The following RIT2 variants were observed in gnomAD, a reference collection of about 807,000 sequenced individuals.
RIT2 encodes the protein GTP-binding protein Rit2.
In RIT2, 24 loss-of-function variants were observed where a neutral mutation model predicts 23.7. That is an observed-to-expected ratio of 1.01 (90% CI 0.73 to 1.43). The LOEUF (loss-of-function observed/expected upper bound fraction) is 1.43. Among genes scored for constraint, RIT2 ranks in the 40% most tolerant of loss-of-function variants. The pLI, the probability that RIT2 is intolerant of heterozygous loss-of-function variation, is 0.00. For synonymous variants in RIT2, 107 were observed against 91.1 expected (o/e 1.17, Z -0.99); for missense variants, 236 against 266.9 (o/e 0.88, Z 0.81).
intron 4 of RIT2, among the ~76,000 whole-genome samples, chr18:42,759,479 C>T (rs1463765428): frequency 2.0e-5 from 3 of 151,990 alleles, no homozygotes; most frequent in Admixed American, 6.6e-5. Flanking sequence ...TACCCTGTCT[C>T]TTTGTCTAGA....
intron 1 of RIT2, among the ~76,000 whole-genome samples, chr18:43,067,231 G>T (rs1048833975): frequency 6.6e-6 from 1 of 152,040 alleles, no homozygotes; most frequent in African/African-American, 2.4e-5. Context: ...AAAAAATTAA[G>T]CATCAGCTAT....
intron 3 of RIT2, among the ~76,000 whole-genome samples, chr18:42,963,477 T>C (rs147432519): frequency 2.4e-3 from 370 of 152,326 alleles, no homozygotes; most frequent in African/African-American, 8.3e-3. Context: ...TCTTTGACTA[T>C]CTTTCCAAAA....
At chr18:42,842,572 A>G (rs2144025736) in intron 4 of RIT2, among the ~76,000 whole-genome samples, 1 of 152,312 alleles carries the variant, frequency 6.6e-6, no homozygotes, top group African/African-American at 2.4e-5. Flanking sequence ...CACCATAAGC[A>G]GAGCTAAGAC....
chr18:42,777,235 T>TGGA (rs1370447437), intron 4 of RIT2, among the ~76,000 whole-genome samples: 1 of 146,376 alleles, frequency 6.8e-6, no homozygotes, highest in Non-Finnish European at 1.5e-5. Flanking sequence ...AGCCTTCCAA[T>TGGA]GGAGAAGAAG....
chr18:42,986,823 A>G (rs112810652), intron 2 of RIT2, among the ~76,000 whole-genome samples: 7,803 of 152,134 alleles, frequency 0.051, 422 homozygotes, highest in East Asian at 0.24. Flanking sequence ...TTTGTAATAA[A>G]CCAGAAATGT....
At chr18:43,023,611 T>G (rs544948762) in intron 2 of RIT2, among the ~76,000 whole-genome samples, 1 of 152,220 alleles carries the variant, frequency 6.6e-6, no homozygotes, top group East Asian at 1.9e-4. Flanking sequence ...TATGTTAAAT[T>G]TTTCAAGGTT....
At chr18:42,890,143 T>A (rs997636260) in intron 4 of RIT2, among the ~76,000 whole-genome samples, 3 of 151,986 alleles carry the variant, frequency 2.0e-5, no homozygotes, top group African/African-American at 7.2e-5. Context: ...ACTTGAGTGG[T>A]CTTGATTTAT....
chr18:42,940,070 A>G (rs1226625610), intron 3 of RIT2, among the ~76,000 whole-genome samples: 2 of 151,616 alleles, frequency 1.3e-5, no homozygotes, highest in Non-Finnish European at 2.9e-5. Flanking sequence ...CCGAATAACA[A>G]TAGTCCAGGA....
rs1913724541 is a variant in RIT2, at chr18:42,778,327, T to C, written c.427-34607A>G. Among the ~76,000 whole-genome samples the C allele has an allele frequency of 2.6e-5, 4 of 152,300 alleles. No individual in the cohort carries two copies. In the South Asian group the frequency reaches 8.3e-4, roughly 32 times the overall value. On this transcript the variant is annotated intron_variant, in intron 4 of 4. Transcript: ENST00000326695. ...ACTTTCCATCAATTAAGAAAACAGA[T>C]CATTTTAGTTAACCCTTGGAAATCT...
At chr18:42,984,662 A>C (rs1210584333) in intron 2 of RIT2, among the ~76,000 whole-genome samples, 1 of 152,034 alleles carries the variant, frequency 6.6e-6, no homozygotes, top group Non-Finnish European at 1.5e-5. Flanking sequence ...ATTCCACGTG[A>C]AATTATAATT....
rs986907080 is a variant in RIT2 at position 42,881,502 on chromosome 18, A to C, written c.426+42070T>G. Among the ~76,000 whole-genome samples, 14 of 152,306 alleles carry C rather than the reference A, an allele frequency of 9.2e-5. No homozygotes were observed. In the East Asian group the frequency reaches 2.3e-3, roughly 25 times the overall value. ...CCTATGGAAAAGTCCAAGGCTCTTC[A>C]TGATCCTGCATCTTAGTCATCTTGG... On this transcript the variant is annotated intron_variant, in intron 4 of 4. Transcript: ENST00000326695.
chr18:42,890,940 T>C (rs1358486773), intron 4 of RIT2, among the ~76,000 whole-genome samples: 1 of 152,152 alleles, frequency 6.6e-6, no homozygotes, highest in African/African-American at 2.4e-5. Context: ...AAGAAATTTA[T>C]ATTTACCAGA....
At chr18:42,847,273 A>C (rs1283823216) in intron 4 of RIT2, among the ~76,000 whole-genome samples, 1 of 152,152 alleles carries the variant, frequency 6.6e-6, no homozygotes. Flanking sequence ...GGAAATAAAG[A>C]ACTAAAGAGA....
At chr18:43,003,821 T>A (rs1034286948) in intron 2 of RIT2, among the ~76,000 whole-genome samples, 1 of 147,680 alleles carries the variant, frequency 6.8e-6, no homozygotes, top group Admixed American at 6.8e-5. Context: ...TTAATATTGC[T>A]CTCCTAGGCC....
At chr18:42,753,020 A>G (rs1567987593) in intron 4 of RIT2, among the ~76,000 whole-genome samples, 2 of 152,188 alleles carry the variant, frequency 1.3e-5, no homozygotes, top group Admixed American at 6.5e-5. Context: ...TCACCGTGTA[A>G]TATGCCAGGT....
chr18:43,106,454 A>C (rs1271211679), intron 1 of RIT2, among the ~76,000 whole-genome samples: 2 of 152,170 alleles, frequency 1.3e-5, no homozygotes, highest in African/African-American at 2.4e-5. Flanking sequence ...CCACCACCAC[A>C]ACTTCTCTAA....
intron 2 of RIT2, among the ~76,000 whole-genome samples, chr18:42,982,681 G>C (rs1284259831): frequency 6.6e-6 from 1 of 152,044 alleles, no homozygotes; most frequent in South Asian, 2.1e-4. Context: ...GATCTTTCAG[G>C]ATTTCAACTT....
intron 1 of RIT2, among the ~76,000 whole-genome samples, chr18:43,104,684 T>C (rs1476322909): frequency 6.6e-6 from 1 of 152,098 alleles, no homozygotes; most frequent in Non-Finnish European, 1.5e-5. Context: ...TGGAATAAAG[T>C]ATGAAATATT....
At chr18:42,958,357 C>T (rs1217435743) in intron 3 of RIT2, among the ~76,000 whole-genome samples, 1 of 152,048 alleles carries the variant, frequency 6.6e-6, no homozygotes, top group Admixed American at 6.6e-5. Flanking sequence ...CCTTCTGGTG[C>T]CTACACATGC....
Sources: gnomAD v4.1 joint callset for allele counts (sites outside exome capture counted in the v4.1 genomes callset) on GRCh38, gnomAD v4.1.1 for gene constraint, MANE v1.5 for transcripts, NCBI Gene and HGNC (gene_info 2026-07-23, HGNC 2026-07-21) for gene names.